DGKH: variants seen among roughly 807,000 people sequenced by gnomAD.
The protein encoded by DGKH is diacylglycerol kinase eta.
A neutral mutation model predicts 159.3 loss-of-function variants in DGKH; 90 were observed. That is an observed-to-expected ratio of 0.57 (90% CI 0.48 to 0.67). The LOEUF (loss-of-function observed/expected upper bound fraction) is 0.67. DGKH is among the 30% of genes least tolerant of loss of function. DGKH has a pLI of 0.00. For synonymous variants in DGKH, 536 were observed against 553.8 expected (o/e 0.97, Z 0.45); for missense variants, 1,181 against 1,506.1 (o/e 0.78, Z 3.57).
chr13:42,198,680 A>G (rs1386124491), intron 18 of DGKH, 85 bp downstream of exon 18: 3 of 1,145,762 alleles, frequency 2.6e-6, no homozygotes, highest in African/African-American at 1.6e-5. Context: ...TTTTAAATGT[A>G]TTACAATAAA....
chr13:42,072,864 C>A (rs956100397), intron 1 of DGKH, among the ~76,000 whole-genome samples: 1 of 152,216 alleles, frequency 6.6e-6, no homozygotes, highest in Non-Finnish European at 1.5e-5. Context: ...CACCCCCAAC[C>A]TGGCATGCCC....
At position 42,059,648 on chromosome 13, in the gene DGKH, G is replaced by A. The variant is rs1882000855; in HGVS notation, c.192+10683G>A. Among the ~76,000 whole-genome samples the A allele has an allele frequency of 2.0e-5, 3 of 152,052 alleles. No homozygotes were observed. In the South Asian group the frequency reaches 6.2e-4, roughly 31 times the overall value. On this transcript the variant is annotated intron_variant, in intron 1 of 29. Coordinates refer to ENST00000337343, the MANE Select transcript of DGKH (RefSeq NM_178009.5). Reference sequence around the variant, plus strand: ...CAGGTTGGCTTTTAGGTGCTTCTATGGCCTGTTCTATTTAATCTTGAAATA... The same window carrying A: ...CAGGTTGGCTTTTAGGTGCTTCTATAGCCTGTTCTATTTAATCTTGAAATA...
intron 3 of DGKH, among the ~76,000 whole-genome samples, chr13:42,152,462 T>C (rs1955929562): frequency 6.7e-6 from 1 of 150,194 alleles, no homozygotes. Flanking sequence ...CACACACATA[T>C]ATATACATAC....
At chr13:42,053,386 C>T (rs1255511839) in intron 1 of DGKH, among the ~76,000 whole-genome samples, 1 of 146,786 alleles carries the variant, frequency 6.8e-6, no homozygotes, top group Non-Finnish European at 1.5e-5. Context: ...CTATATATAA[C>T]TATATATGTA....
chr13:42,074,543 A>T (rs543134072), intron 1 of DGKH, among the ~76,000 whole-genome samples: 1 of 152,322 alleles, frequency 6.6e-6, no homozygotes, highest in African/African-American at 2.4e-5. Flanking sequence ...GAAGGGCAAG[A>T]AAGACACCCT....
Position 42,208,940 on chromosome 13 carries a change from A to T in DGKH, c.2602-19A>T. 6.3e-7 allele frequency: 1 copy of T among 1,584,532 alleles called. No homozygotes were observed. The highest frequency in any genetic ancestry group is 8.6e-7 in the Non-Finnish European group (1 of 1,159,760). ...TCACCTAAACATTCAGTAGAAGTGT[A>T]ATGTAGTTTTTCTTTCAGATATTTG... On this transcript the variant is annotated intron_variant, in intron 21 of 29. Coordinates refer to ENST00000337343, the MANE Select transcript of DGKH (RefSeq NM_178009.5).
rs748957482 is a variant in DGKH at position 42,238,735 on chromosome 13, A to G, written c.*9547A>G. The stretch of plus-strand genomic sequence containing the variant: ...AGAGATTGTCTTTATTAATTAATGG[A>G]ACTCTGGGTATGATTAAGGGAATTA... On this transcript the variant is annotated 3_prime_UTR_variant, in exon 30 of 30. Transcript: ENST00000337343. 2 of 152,160 alleles carry G rather than the reference A, an allele frequency of 1.3e-5. No homozygotes were observed. The highest frequency in any genetic ancestry group is 2.4e-5 in the African/African-American group (1 of 41,448). 9.4% of individuals were successfully genotyped at this position (152,160 alleles called of 1,614,324 possible).
intron 5 of DGKH, 101 bp from the exon 6 acceptor site, chr13:42,159,165 C>T: frequency 1.6e-6 from 1 of 633,458 alleles, no homozygotes; most frequent in Non-Finnish European, 2.6e-6. Context: ...TCTACTTCCT[C>T]CTTCCCTTTT....
At position 42,180,985 on chromosome 13, in the gene DGKH, T is replaced by C. The variant is rs546192552; in HGVS notation, c.1538+2765T>C. Among the ~76,000 whole-genome samples the C allele has an allele frequency of 2.0e-5, 3 of 152,222 alleles. No individual in the cohort carries two copies. The South Asian group carries it at 6.2e-4, about 32-fold the overall frequency. Reference sequence around the variant, plus strand: ...TTAATGAAATTCTGCACAGTAAGAATATCCTCTTCGGCCGGGCGCGGTGGC... The same window carrying C: ...TTAATGAAATTCTGCACAGTAAGAACATCCTCTTCGGCCGGGCGCGGTGGC... On this transcript the variant is annotated intron_variant, in intron 13 of 29. Transcript: ENST00000337343.
At chr13:42,068,775 T>A (rs1288324361) in intron 1 of DGKH, among the ~76,000 whole-genome samples, 1 of 152,264 alleles carries the variant, frequency 6.6e-6, no homozygotes, top group Non-Finnish European at 1.5e-5. Flanking sequence ...CTATCTCACA[T>A]GTAGAAAAAG....
upstream of DGKH, among the ~76,000 whole-genome samples, chr13:42,046,813 A>G (rs1410951731): frequency 6.6e-6 from 1 of 152,244 alleles, no homozygotes; most frequent in Non-Finnish European, 1.5e-5. Context: ...TTAGAATACT[A>G]ACCGCATGAT....
At chr13:42,151,503 GTGTA>G (rs1356322984) in intron 3 of DGKH, among the ~76,000 whole-genome samples, 1 of 83,062 alleles carries the variant, frequency 1.2e-5, no homozygotes, top group African/African-American at 4.8e-5. Flanking sequence ...GTGTGTGTGT[GTGTA>G]TACACATGTA....
intron 23 of DGKH, among the ~76,000 whole-genome samples, chr13:42,209,689 G>A (rs66918046): frequency 0.052 from 7,855 of 152,162 alleles, 282 homozygotes; most frequent in Non-Finnish European, 0.076. Context: ...AAGAGAATTC[G>A]AATTACGTTC....
intron 26 of DGKH, among the ~76,000 whole-genome samples, chr13:42,218,863 A>T (rs151123722): frequency 1.3e-3 from 198 of 152,192 alleles, no homozygotes; most frequent in Non-Finnish European, 2.5e-3. Flanking sequence ...GAATAGTAAG[A>T]CTGCACACTT....
chr13:42,045,642 T>A (rs529657951), upstream of DGKH, among the ~76,000 whole-genome samples: 5 of 152,334 alleles, frequency 3.3e-5, no homozygotes, highest in East Asian at 9.6e-4. Flanking sequence ...TGTTCTTAAG[T>A]TTTAATTAAG....
downstream of DGKH, among the ~76,000 whole-genome samples, chr13:42,246,093 G>A (rs1371668797): frequency 2.0e-5 from 3 of 152,142 alleles, no homozygotes; most frequent in African/African-American, 7.2e-5. Flanking sequence ...TTCTGATGTG[G>A]AAATCAAGAA....
At position 42,208,967 on chromosome 13, in the gene DGKH, T is replaced by G; in HGVS notation, c.2610T>G (p.Ala870=). The change falls in exon 22 of 30, where the codon GCT becomes GCG. Residue 870 remains alanine (A), a synonymous_variant. Coordinates refer to ENST00000337343, the MANE Select transcript of DGKH (RefSeq NM_178009.5). ...TGTAGTTTTTCTTTCAGATATTTGCTGCACCATCCTTTGATGACAAGATCC... is the reference window on the plus strand; with the variant it reads ...TGTAGTTTTTCTTTCAGATATTTGCGGCACCATCCTTTGATGACAAGATCC... ...WGGTKEDDIF[A]APSFDDKILE... 1 of 1,610,906 alleles carries G rather than the reference T, an allele frequency of 6.2e-7. No homozygotes were observed. The highest frequency in any genetic ancestry group is 8.5e-7 in the Non-Finnish European group (1 of 1,178,512).
rs1958489009 is a variant in DGKH at position 42,240,119 on chromosome 13, G to A, written c.*10931G>A. On this transcript the variant is annotated 3_prime_UTR_variant, in exon 30 of 30. Coordinates refer to ENST00000337343, the MANE Select transcript of DGKH (RefSeq NM_178009.5). ...CTCTCTCCCCCTTTGTATTCTCAGT[G>A]TCTAGCTACACATAATAGGACTTTG... The A allele has an allele frequency of 6.6e-6, 1 of 152,114 alleles. No homozygotes were observed. Among genetic ancestry groups the A allele is most frequent in the Non-Finnish European group, 1.5e-5 (1 of 68,032 alleles). The allele number at this position is 152,114 out of a possible 1,614,324, so 9.4% of individuals were successfully genotyped here.
chr13:42,198,852 C>T (rs1957274538), intron 18 of DGKH, among the ~76,000 whole-genome samples: 1 of 152,078 alleles, frequency 6.6e-6, no homozygotes, highest in African/African-American at 2.4e-5. Flanking sequence ...AAGGAAGGCA[C>T]CAATAAATAG....
Sources: allele counts gnomAD v4.1 joint callset (sites outside exome capture counted in the v4.1 genomes callset), GRCh38; gene constraint gnomAD v4.1.1; transcripts MANE v1.5; gene names NCBI Gene and HGNC (gene_info 2026-07-23, HGNC 2026-07-21).